The following PCLO variants were observed in gnomAD, a reference collection of about 807,000 sequenced individuals.
The protein encoded by PCLO is protein piccolo.
In PCLO, 82 loss-of-function variants were observed where a neutral mutation model predicts 427.5. The observed-to-expected ratio is 0.19, with a 90% CI of 0.16 to 0.23. The LOEUF (loss-of-function observed/expected upper bound fraction) is 0.23, where lower values mean the gene tolerates loss of function less well. Ranked by LOEUF, PCLO falls within the 10% of genes least tolerant of loss-of-function variation. The pLI is 1.00. For synonymous variants in PCLO, 2,357 were observed against 2,155.4 expected, an observed-to-expected ratio of 1.09 and a Z score of -2.59; for missense variants, 6,239 against 6,115.9, an observed-to-expected ratio of 1.02 and a Z score of -0.67.
chr7:82,858,190 A>G (rs563884609), intron 10 of PCLO, among the ~76,000 whole-genome samples: 17 of 152,298 alleles, frequency 1.1e-4, no homozygotes, highest in Admixed American at 1.3e-4. Context: ...CACGTGCTAC[A>G]CATTAAAAAA....
intron 7 of PCLO, among the ~76,000 whole-genome samples, chr7:82,911,663 G>A (rs1055747571): frequency 2.0e-5 from 3 of 151,940 alleles, no homozygotes; most frequent in Non-Finnish European, 2.9e-5. Context: ...TCACTCTGTC[G>A]CCAGGCAGGA....
chr7:82,829,239 C>T (rs1368760751), intron 16 of PCLO, among the ~76,000 whole-genome samples: 1 of 152,144 alleles, frequency 6.6e-6, no homozygotes, highest in Non-Finnish European at 1.5e-5. Context: ...TAACGCTCAA[C>T]ATTGACTGCA....
intron 2 of PCLO, among the ~76,000 whole-genome samples, chr7:83,152,188 T>C (rs1792154040): frequency 6.6e-6 from 1 of 152,020 alleles, no homozygotes; most frequent in African/African-American, 2.4e-5. Context: ...ATGGTCTCAA[T>C]CTCCTGACCT....
rs138577700 is a variant in PCLO, at chr7:83,021,170, TC to T, written c.3301-54684del. 3.1e-3 allele frequency among the ~76,000 whole-genome samples: 474 copies of T among 152,182 alleles called. 11 individuals carry two copies. The East Asian group carries it at 0.058, about 18-fold the overall frequency. On this transcript the variant is annotated intron_variant, in intron 3 of 24. Transcript: ENST00000333891. ...TTTTACAGCCCCTCACACCCTATAA[TC>T]ATCCTAAAAACTTCAGCCCAGAACT...
Position 83,155,238 on chromosome 7 carries a change from T to C in PCLO, c.1403A>G (p.Lys468Arg). Reference sequence around the variant, plus strand: ...TGGGCCAGGCAGTTGTGAAGGAGGCTTTGTTGGGCCAGTCTGCTGGGCAGA... The same window carrying C: ...TGGGCCAGGCAGTTGTGAAGGAGGCCTTGTTGGGCCAGTCTGCTGGGCAGA... ...KTSAQQTGPT[K>R]PPSQLPGPAK... Residue 468 changes from lysine to arginine, a missense_variant, in exon 2 of 25, where the codon AAG becomes AGG. Lys to Arg is a conservative substitution (Grantham distance 26). Coordinates refer to ENST00000333891, the MANE Select transcript of PCLO (RefSeq NM_033026.6). 1 of 1,613,536 alleles carries C rather than the reference T, an allele frequency of 6.2e-7. No individual in the cohort carries two copies. The highest frequency in any genetic ancestry group is 8.5e-7 in the Non-Finnish European group (1 of 1,179,802).
intron 3 of PCLO, among the ~76,000 whole-genome samples, chr7:83,133,891 A>G (rs1193206217): frequency 6.6e-6 from 1 of 152,030 alleles, no homozygotes; most frequent in East Asian, 1.9e-4. Flanking sequence ...ACATGTGAAA[A>G]TATTAAAACC....
intron 3 of PCLO, among the ~76,000 whole-genome samples, chr7:83,053,774 A>G (rs1789311047): frequency 6.6e-6 from 1 of 151,916 alleles, no homozygotes; most frequent in Admixed American, 6.6e-5. Context: ...AGGCTGCAAT[A>G]ATATTGAAAT....
At chr7:82,790,419 AT>A (rs1030874087) in intron 22 of PCLO, among the ~76,000 whole-genome samples, 3 of 152,016 alleles carry the variant, frequency 2.0e-5, no homozygotes, top group African/African-American at 4.8e-5. Flanking sequence ...AATATCACGT[AT>A]TTTCTCATGT....
rs73383960 is a variant in PCLO at position 82,826,681 on chromosome 7, T to C, written c.14344-21A>G. On this transcript the variant is annotated intron_variant, in intron 17 of 24. Transcript: ENST00000333891. ...TTGAGCTATATAGTTCAAATAGAAATCTAATTAAACCTATCTTTCCATCAT... is the reference window on the plus strand; with the variant it reads ...TTGAGCTATATAGTTCAAATAGAAACCTAATTAAACCTATCTTTCCATCAT... 4.3e-3 allele frequency: 6,309 copies of C among 1,475,744 alleles called. 245 individuals carry two copies. In the African/African-American group the frequency reaches 0.078, roughly 18 times the overall value. The allele number at this position is 1,475,744 out of a possible 1,614,324, so 91.4% of individuals were successfully genotyped here.
chr7:83,124,972 T>A (rs1791392873), intron 3 of PCLO, among the ~76,000 whole-genome samples: 1 of 152,172 alleles, frequency 6.6e-6, no homozygotes, highest in Admixed American at 6.5e-5. Context: ...GCCGGGCTGG[T>A]CTCCAGCTCC....
intron 3 of PCLO, among the ~76,000 whole-genome samples, chr7:83,065,008 T>C (rs1192629338): frequency 1.3e-5 from 2 of 151,640 alleles, no homozygotes; most frequent in African/African-American, 2.4e-5. Flanking sequence ...ACTGGAATCG[T>C]TTTGTGTACA....
At chr7:82,826,695 T>C in intron 17 of PCLO, 35 bp from the exon 18 acceptor site, 1 of 1,349,714 alleles carries the variant, frequency 7.4e-7, no homozygotes, top group South Asian at 1.3e-5. Context: ...ATTAAACCTA[T>C]CTTTCCATCA....
intron 2 of PCLO, among the ~76,000 whole-genome samples, chr7:83,152,256 G>A (rs1044420262): frequency 1.3e-5 from 2 of 152,068 alleles, no homozygotes; most frequent in East Asian, 1.9e-4. Context: ...GAGCCACCAC[G>A]CCCGGCCCAA....
intron 22 of PCLO, among the ~76,000 whole-genome samples, chr7:82,791,813 C>T (rs975134337): frequency 3.3e-5 from 5 of 151,866 alleles, no homozygotes; most frequent in Admixed American, 2.6e-4. Flanking sequence ...ATTATGTAAA[C>T]TTCCAGGATT....
At chr7:82,798,527 G>C (rs928737608) in intron 22 of PCLO, among the ~76,000 whole-genome samples, 2 of 152,130 alleles carry the variant, frequency 1.3e-5, no homozygotes, top group African/African-American at 4.8e-5. Context: ...ATATTTCTAC[G>C]TGGACAAAAC....
chr7:82,954,815 A>G lies in PCLO; in HGVS notation c.6138T>C (p.Gly2046=), dbSNP rs1482269098. The change falls in exon 5 of 25, where the codon GGT becomes GGC. Residue 2046 remains glycine, a synonymous_variant. Coordinates refer to ENST00000333891, the MANE Select transcript of PCLO (RefSeq NM_033026.6). ...CTTCTTCTGTAGAAGTTACCATAGTACCCAGGTCCACTATCTCATGGCTTT... is the reference window on the plus strand; with the variant it reads ...CTTCTTCTGTAGAAGTTACCATAGTGCCCAGGTCCACTATCTCATGGCTTT... ...IPESHEIVDL[G]TMVTSTEEER... 6.2e-7 allele frequency: 1 copy of G among 1,613,794 alleles called. No individual in the cohort carries two copies. The highest frequency in any genetic ancestry group is 8.5e-7 in the Non-Finnish European group (1 of 1,179,782).
chr7:82,952,208 A>G lies in PCLO; in HGVS notation c.8745T>C (p.Ser2915=). The change falls in exon 5 of 25, where the codon TCT becomes TCC. Residue 2915 remains serine, a synonymous_variant. Transcript: ENST00000333891. ...TTATTTTGGTCATCACACTTGAAGTAGACTCATCCATTGTTACGACTGTTC... is the reference window on the plus strand; with the variant it reads ...TTATTTTGGTCATCACACTTGAAGTGGACTCATCCATTGTTACGACTGTTC... ...SHRTVVTMDE[S]TSSVMTKIIE... is the part of the protein sequence containing the mutation. 2 of 1,613,796 alleles carry G rather than the reference A, an allele frequency of 1.2e-6. No individual in the cohort carries two copies. Among genetic ancestry groups the G allele is most frequent in the Middle Eastern group, 1.7e-4 (1 of 6,060 alleles).
At chr7:83,060,038 T>C (rs1789505662) in intron 3 of PCLO, among the ~76,000 whole-genome samples, 1 of 152,322 alleles carries the variant, frequency 6.6e-6, no homozygotes, top group Non-Finnish European at 1.5e-5. Context: ...TTATGTTTCC[T>C]ATGGCAAGAA....
At chr7:82,846,726 T>C in intron 11 of PCLO, 92 bp from the exon 12 acceptor site, 1 of 747,252 alleles carries the variant, frequency 1.3e-6, no homozygotes, top group Non-Finnish European at 2.2e-6. Context: ...TTTTCATAGG[T>C]AAATGAGAAG....
Sources: gnomAD v4.1 joint callset for allele counts (sites outside exome capture counted in the v4.1 genomes callset) on GRCh38, gnomAD v4.1.1 for gene constraint, MANE v1.5 for transcripts, NCBI Gene and HGNC (gene_info 2026-07-23, HGNC 2026-07-21) for gene names.